The following RASIP1 variants were observed in gnomAD, a reference collection of about 807,000 sequenced individuals.
RASIP1 encodes the protein ras-interacting protein 1.
Under a neutral mutation model 85.3 loss-of-function variants are expected in RASIP1, and 20 were observed. That is an observed-to-expected ratio of 0.23 (90% CI 0.17 to 0.34). The LOEUF (loss-of-function observed/expected upper bound fraction) is 0.34. RASIP1 is among the 10% of genes least tolerant of loss of function. The pLI is 1.00. For missense variants in RASIP1, 1,170 were observed against 1,390.9 expected (o/e 0.84, Z 2.53); for synonymous variants, 617 against 647.1 (o/e 0.95, Z 0.71).
chr19:48,736,086 G>A (rs2033565818), intron 3 of RASIP1, among the ~76,000 whole-genome samples: 1 of 151,578 alleles, frequency 6.6e-6, no homozygotes, highest in South Asian at 2.1e-4. Context: ...TGGGATTACA[G>A]GCATGAGCCA....
chr19:48,734,486 C>CTT (rs35517837), intron 4 of RASIP1, among the ~76,000 whole-genome samples: 1,279 of 83,230 alleles, frequency 0.015, 11 homozygotes, highest in East Asian at 0.057. Flanking sequence ...GCTTTTTTTT[C>CTT]TTTCTTTTTT....
intron 11 of RASIP1, 116 bp from the exon 12 acceptor site, chr19:48,721,113 A>C: frequency 2.3e-6 from 2 of 882,630 alleles, no homozygotes; most frequent in South Asian, 1.9e-5. Flanking sequence ...AACCCCAGCA[A>C]CTCCTGGGGC....
chr19:48,732,412 C>T (rs1273391056), intron 4 of RASIP1, among the ~76,000 whole-genome samples: 7 of 152,018 alleles, frequency 4.6e-5, no homozygotes, highest in South Asian at 2.1e-4. Flanking sequence ...CCCGCCACCA[C>T]GCCCAGCTAA....
At position 48,735,595 on chromosome 19, in the gene RASIP1, G is replaced by T. The variant is rs78171781; in HGVS notation, c.824-44C>A. 6,181 of 1,467,696 alleles carry T rather than the reference G, an allele frequency of 4.2e-3. 119 individuals carry two copies. The Admixed American group carries it at 0.049, about 12-fold the overall frequency. 90.9% of individuals were successfully genotyped at this position (1,467,696 alleles called of 1,614,324 possible). The stretch of plus-strand genomic sequence containing the variant: ...CAGTGAGGCTGAGCCTGGAAAGACA[G>T]GGATAGACACAGAGCTGCAGATTAT... On this transcript the variant is annotated intron_variant, in intron 3 of 11. Transcript: ENST00000222145.
At position 48,729,411 on chromosome 19, in the gene RASIP1, G is replaced by C. The variant is rs1326065900; in HGVS notation, c.1359C>G (p.Ser453=). The change falls in exon 5 of 12, where the codon TCC becomes TCG. Residue 453 remains serine, a synonymous_variant. Coordinates refer to ENST00000222145, the MANE Select transcript of RASIP1 (RefSeq NM_017805.3). ...GPEHPAMVRP[S]RGAPVTHNGC... is the part of the protein sequence containing the mutation. ...CGTTGTGCGTGACTGGGGCGCCCCG[G>C]GACGGGCGCACCATGGCCGGGTGCT... 6.4e-7 allele frequency: 1 copy of C among 1,557,274 alleles called. No individual in the cohort carries two copies. The highest frequency in any genetic ancestry group is 1.2e-5 in the South Asian group (1 of 84,730).
intron 3 of RASIP1, among the ~76,000 whole-genome samples, chr19:48,736,395 TC>T (rs2033573833): frequency 6.6e-6 from 1 of 151,956 alleles, no homozygotes; most frequent in Admixed American, 6.6e-5. Flanking sequence ...AGAGCAAGAC[TC>T]CGTCTCAAAA....
intron 3 of RASIP1, chr19:48,737,353 GC>G (rs2033591497): frequency 1.9e-6 from 1 of 519,906 alleles, no homozygotes; most frequent in Non-Finnish European, 2.5e-6. Flanking sequence ...ATACAGAAAA[GC>G]GTTTAGAAGG....
chr19:48,727,419 C>T lies in RASIP1; in HGVS notation c.1845G>A (p.Lys615=). 1 of 1,613,970 alleles carries T rather than the reference C, an allele frequency of 6.2e-7. No homozygotes were observed. Among genetic ancestry groups the T allele is most frequent in the South Asian group, 1.1e-5 (1 of 91,078 alleles). The change falls in exon 6 of 12, where the codon AAG becomes AAA. Residue 615 remains lysine, a synonymous_variant. Coordinates refer to ENST00000222145, the MANE Select transcript of RASIP1 (RefSeq NM_017805.3). ...LIKEAVWEKI[K]EIGDRQPENH... ...TTTCTGGCTGACGGTCTCCAATTTCCTTAATCTTTTCCTGTGGAACAGTAA... is the reference window on the plus strand; with the variant it reads ...TTTCTGGCTGACGGTCTCCAATTTCTTTAATCTTTTCCTGTGGAACAGTAA...
chr19:48,732,063 T>C (rs2033467951), intron 4 of RASIP1, among the ~76,000 whole-genome samples: 1 of 120,148 alleles, frequency 8.3e-6, no homozygotes, highest in Non-Finnish European at 2.1e-5. Context: ...TTTTTTAATC[T>C]CTTTTTTTTT....
chr19:48,732,678 G>T (rs575692875), intron 4 of RASIP1, among the ~76,000 whole-genome samples: 7 of 152,248 alleles, frequency 4.6e-5, no homozygotes, highest in Non-Finnish European at 1.0e-4. Flanking sequence ...GTGTTCTCCA[G>T]CCTTGTCCAG....
intron 6 of RASIP1, 75 bp downstream of exon 6, chr19:48,727,318 G>T: frequency 6.4e-7 from 1 of 1,564,814 alleles, no homozygotes; most frequent in Non-Finnish European, 8.8e-7. Context: ...GGGCATGCAT[G>T]GGGTGAACAC....
At chr19:48,723,559 C>CAAAAAAAAAAAA (rs56200310) in intron 10 of RASIP1, among the ~76,000 whole-genome samples, 1 of 77,310 alleles carries the variant, frequency 1.3e-5, no homozygotes, top group African/African-American at 5.0e-5. Flanking sequence ...GACTCCGTCT[C>CAAAAAAAAAAAA]AAAAAAAAAA....
Position 48,739,974 on chromosome 19 carries a change from C to T in RASIP1, c.137+172G>A, listed in dbSNP as rs969674681. ...ACTCCACCTCCTAGCCTAGCTCTTA[C>T]TCCCACCGCGCCCTGGTATCACTGT... On this transcript the variant is annotated intron_variant, in intron 2 of 11. Transcript: ENST00000222145. This position sits in a 1 kb window ranked among gnomAD's most constrained non-coding sequence, Gnocchi z 9.2. Among the ~76,000 whole-genome samples the T allele has an allele frequency of 2.6e-5, 4 of 152,216 alleles. No individual in the cohort carries two copies. The highest frequency in any genetic ancestry group is 7.2e-5 in the African/African-American group (3 of 41,460).
At chr19:48,728,108 C>T (rs1393906895) in intron 5 of RASIP1, among the ~76,000 whole-genome samples, 2 of 152,116 alleles carry the variant, frequency 1.3e-5, no homozygotes, top group African/African-American at 2.4e-5. Context: ...ATTTTTACCC[C>T]CAAGAAACTC....
intron 4 of RASIP1, among the ~76,000 whole-genome samples, chr19:48,732,259 C>CTT (rs869199913): frequency 2.9e-5 from 4 of 136,742 alleles, no homozygotes; most frequent in African/African-American, 2.7e-5. Flanking sequence ...TTCTGTTTTT[C>CTT]TTTTTTTTTT....
intron 10 of RASIP1, among the ~76,000 whole-genome samples, chr19:48,722,643 C>A (rs1427511850): frequency 6.6e-6 from 1 of 152,090 alleles, no homozygotes; most frequent in Non-Finnish European, 1.5e-5. Context: ...AATGTCTACA[C>A]CTGATGTAGC....
At position 48,724,414 on chromosome 19, in the gene RASIP1, C is replaced by T. The variant is rs1217394893; in HGVS notation, c.2467G>A (p.Asp823Asn). The T allele has an allele frequency of 6.2e-6, 10 of 1,614,026 alleles. No homozygotes were observed. The highest frequency in any genetic ancestry group is 3.3e-4 in the Middle Eastern group (2 of 6,084). ...LDWLQGAGLG[D>N]IATEFFRKLS... ...TTCCGGAAGAACTCAGTGGCAATGTCGCCCAGCCCAGCTCCCTGTAGCCAG... is the reference window on the plus strand; with the variant it reads ...TTCCGGAAGAACTCAGTGGCAATGTTGCCCAGCCCAGCTCCCTGTAGCCAG... The change falls in exon 10 of 12, where the codon GAC becomes AAC. Residue 823 changes from aspartate to asparagine, a missense_variant. This residue lies in a region of RASIP1 where 426 missense variants were observed against 576.2 expected (regional missense o/e 0.74). Coordinates refer to ENST00000222145, the MANE Select transcript of RASIP1 (RefSeq NM_017805.3). The surrounding 1 kb of genome is among the most constrained non-coding windows in gnomAD (Gnocchi z 4.6).
In RASIP1 at chr19:48,726,825, A is replaced by C; in HGVS notation, c.2087T>G (p.Ile696Ser). 6.2e-7 allele frequency: 1 copy of C among 1,614,070 alleles called. No individual in the cohort carries two copies. Among genetic ancestry groups the C allele is most frequent in the Non-Finnish European group, 8.5e-7 (1 of 1,179,948 alleles). ...GACAGACTGCTGGAAGGTACACATG[A>C]TGACCTCATCCAGGAGGGCCATGGC... ...DEAMALLDEV[I>S]MCTFQQSVYY... Residue 696 changes from isoleucine (I) to serine (S), a missense_variant, in exon 8 of 12, where the codon ATC (isoleucine) becomes AGC (serine). Ile to Ser is a moderately radical substitution (Grantham distance 142). Coordinates refer to ENST00000222145, the MANE Select transcript of RASIP1 (RefSeq NM_017805.3).
At position 48,738,823 on chromosome 19, in the gene RASIP1, A is replaced by G. The variant is rs951697210; in HGVS notation, c.823+137T>C. On this transcript the variant is annotated intron_variant, in intron 3 of 11. Transcript: ENST00000222145. This position sits in a 1 kb window ranked among gnomAD's most constrained non-coding sequence, Gnocchi z 4.0. Reference sequence around the variant, plus strand: ...GCCTAGAGTCCAACACGCACCGTCCAGTCCCCTCCCAGTCCCCTCCCGCGG... The same window carrying G: ...GCCTAGAGTCCAACACGCACCGTCCGGTCCCCTCCCAGTCCCCTCCCGCGG... 4.8e-5 allele frequency: 50 copies of G among 1,047,952 alleles called. No individual in the cohort carries two copies. The highest frequency in any genetic ancestry group is 6.0e-5 in the Non-Finnish European group (50 of 837,546). 64.9% of individuals were successfully genotyped at this position (1,047,952 alleles called of 1,614,324 possible). A position where few individuals can be genotyped will look rare whatever the true frequency, so the allele number is the denominator to read the frequency against.
Sources: allele counts gnomAD v4.1 joint callset (sites outside exome capture counted in the v4.1 genomes callset), GRCh38; gene constraint gnomAD v4.1.1; regional missense constraint gnomAD v4.1.1; non-coding constraint Gnocchi (gnomAD v3.1); transcripts MANE v1.5; gene names NCBI Gene and HGNC (gene_info 2026-07-23, HGNC 2026-07-21).